The following RNLS variants were observed in gnomAD, a reference collection of about 807,000 sequenced individuals.
The protein encoded by RNLS is renalase, FAD dependent amine oxidase.
Under a neutral mutation model 39.8 loss-of-function variants are expected in RNLS, and 39 were observed. That is an observed-to-expected ratio of 0.98 (90% confidence interval 0.76 to 1.28). RNLS has a LOEUF of 1.28. RNLS is among the 50% of genes most tolerant of loss of function. The probability of loss-of-function intolerance (pLI) is 0.00; values close to 1 mark genes in which losing one functional copy is unlikely to be tolerated. For synonymous variants in RNLS, 147 were observed against 150.7 expected (o/e 0.98, Z 0.18); for missense variants, 410 against 413.3 (o/e 0.99, Z 0.07).
rs1190444437 is a variant in RNLS at position 88,436,661 on chromosome 10, C to A, written c.527-73936G>T. ...AGACAAACCTCTAAGTGCCTTTTAA[C>A]AGATTTGTTTCTATAAAACTATTCT... is the stretch of plus-strand genomic sequence containing the variant. On this transcript the variant is annotated intron_variant, in intron 4 of 6. Transcript: ENST00000331772. 3.9e-5 allele frequency among the ~76,000 whole-genome samples: 6 copies of A among 152,180 alleles called. No homozygotes were observed. The East Asian group carries it at 1.2e-3, about 29-fold the overall frequency.
chr10:88,201,005 T>TA, the RNLS span, among the ~76,000 whole-genome samples: 1 of 140,586 alleles, frequency 7.1e-6, no homozygotes, highest in Non-Finnish European at 1.6e-5. Context: ...TTTTTTTTTT[T>TA]AACAACTAAT....
At chr10:88,194,831 T>G in the RNLS span, among the ~76,000 whole-genome samples, 4 of 152,216 alleles carry the variant, frequency 2.6e-5, no homozygotes, top group African/African-American at 7.2e-5. Flanking sequence ...AATTGTTTAT[T>G]TTGAAATAAC....
chr10:88,537,487 G>C (rs1326651594), intron 4 of RNLS, among the ~76,000 whole-genome samples: 2 of 152,162 alleles, frequency 1.3e-5, no homozygotes, highest in Non-Finnish European at 2.9e-5. Context: ...GATAACATAT[G>C]CTAGGTTCAT....
intron 5 of RNLS, among the ~76,000 whole-genome samples, chr10:88,330,877 C>A (rs1847065346): frequency 6.6e-6 from 1 of 151,676 alleles, no homozygotes. Context: ...CATTATAAAG[C>A]TACAGTAATT....
chr10:88,539,288 T>C (rs988101238), intron 4 of RNLS, among the ~76,000 whole-genome samples: 1 of 152,180 alleles, frequency 6.6e-6, no homozygotes, highest in Non-Finnish European at 1.5e-5. Context: ...CTTTCACATA[T>C]AGTATGCACA....
intron 4 of RNLS, among the ~76,000 whole-genome samples, chr10:88,519,717 T>TATATATGATATATATCACAC (rs1846609651): frequency 6.8e-6 from 1 of 147,454 alleles, no homozygotes; most frequent in African/African-American, 2.6e-5. Flanking sequence ...ATATATCACA[T>TATATATGATATATATCACAC]ATATATGATA....
At chr10:88,396,569 T>C (rs997936435) in intron 4 of RNLS, among the ~76,000 whole-genome samples, 1 of 150,490 alleles carries the variant, frequency 6.6e-6, no homozygotes, top group African/African-American at 2.4e-5. Flanking sequence ...AATGGAGAAA[T>C]AGGGGAATAA....
intron 5 of RNLS, among the ~76,000 whole-genome samples, chr10:88,325,569 G>A (rs1457858362): frequency 6.6e-6 from 1 of 152,178 alleles, no homozygotes; most frequent in African/African-American, 2.4e-5. Flanking sequence ...TTGTTTTGAA[G>A]TAAGCACTGT....
chr10:88,433,768 G>A lies in RNLS; in HGVS notation c.527-71043C>T, dbSNP rs541116107. ...AATGGCATTTACTTCAGCCACACCC[G>A]TCATCACTGATATTTAATGCTTTCT... On this transcript the variant is annotated intron_variant, in intron 4 of 6. Transcript: ENST00000331772. Among the ~76,000 whole-genome samples, 14 of 152,134 alleles carry A rather than the reference G, an allele frequency of 9.2e-5. 1 individual carries two copies. The highest frequency in any genetic ancestry group is 1.3e-4 in the Admixed American group (2 of 15,262).
chr10:88,273,314 T>A (rs1017818116), downstream of RNLS, among the ~76,000 whole-genome samples: 4 of 152,226 alleles, frequency 2.6e-5, no homozygotes, highest in African/African-American at 7.2e-5. Flanking sequence ...GAAAATTTTT[T>A]AAAATCCCAC....
chr10:88,548,390 A>G (rs1848444049), intron 4 of RNLS, among the ~76,000 whole-genome samples: 1 of 149,928 alleles, frequency 6.7e-6, no homozygotes, highest in Non-Finnish European at 1.5e-5. Context: ...CTGTAATCCC[A>G]GCACTTTGGG....
At chr10:88,400,844 T>C (rs1250737544) in intron 4 of RNLS, among the ~76,000 whole-genome samples, 1 of 151,958 alleles carries the variant, frequency 6.6e-6, no homozygotes, top group African/African-American at 2.4e-5. Context: ...TCAATGCCCC[T>C]ATGTGACCTA....
At chr10:88,401,574 T>C (rs1269397529) in intron 4 of RNLS, among the ~76,000 whole-genome samples, 1 of 152,088 alleles carries the variant, frequency 6.6e-6, no homozygotes, top group Admixed American at 6.6e-5. Context: ...GCAGTTCTAC[T>C]GTAGGTTAAA....
chr10:88,482,020 A>C (rs1441142030), intron 4 of RNLS, among the ~76,000 whole-genome samples: 1 of 152,062 alleles, frequency 6.6e-6, no homozygotes, highest in African/African-American at 2.4e-5. Context: ...ATCAGTCATT[A>C]ATTGCATAAA....
intron 4 of RNLS, among the ~76,000 whole-genome samples, chr10:88,413,357 T>C (rs950062906): frequency 7.2e-5 from 11 of 152,200 alleles, no homozygotes; most frequent in African/African-American, 2.4e-4. Flanking sequence ...CATGCATCCA[T>C]TCACTTATTC....
At chr10:88,478,405 G>A (rs1564832544) in intron 4 of RNLS, among the ~76,000 whole-genome samples, 1 of 152,040 alleles carries the variant, frequency 6.6e-6, no homozygotes, top group Non-Finnish European at 1.5e-5. Flanking sequence ...TATCACCTCA[G>A]GGCCAATTGC....
intron 5 of RNLS, among the ~76,000 whole-genome samples, chr10:88,341,606 C>A (rs936553927): frequency 2.0e-5 from 3 of 151,694 alleles, no homozygotes; most frequent in African/African-American, 4.8e-5. Context: ...TTAAAAGTAA[C>A]CAAAACATAG....
At chr10:88,272,149 C>G (rs1309946369), downstream of RNLS, among the ~76,000 whole-genome samples, 1 of 152,126 alleles carries the variant, frequency 6.6e-6, no homozygotes, top group Non-Finnish European at 1.5e-5. Flanking sequence ...CTGTTGCGTG[C>G]AGGGGTTAGA....
chr10:88,429,536 A>G (rs972669606), intron 4 of RNLS, among the ~76,000 whole-genome samples: 5 of 151,956 alleles, frequency 3.3e-5, no homozygotes, highest in African/African-American at 1.2e-4. Flanking sequence ...CCAATGATCA[A>G]TTTGTTCTTT....
Sources: allele counts gnomAD v4.1 joint callset (sites outside exome capture counted in the v4.1 genomes callset), GRCh38; gene constraint gnomAD v4.1.1; transcripts MANE v1.5; gene names NCBI Gene and HGNC (gene_info 2026-07-23, HGNC 2026-07-21).